Variants in JPH3 observed in about 807,000 individuals in gnomAD.
JPH3 encodes junctophilin-3.
Under a neutral mutation model 59.6 loss-of-function variants are expected in JPH3, and 11 were observed. The observed-to-expected ratio is 0.18, with a 90% CI of 0.12 to 0.31. JPH3 has a LOEUF of 0.31. Among genes scored for constraint, JPH3 ranks in the 10% least tolerant of loss-of-function variants. The probability of loss-of-function intolerance (pLI) is 1.00; values close to 1 mark genes in which losing one functional copy is unlikely to be tolerated. For missense variants in JPH3, 1,202 were observed against 1,105.7 expected, an observed-to-expected ratio of 1.09 and a Z score of -1.24; for synonymous variants, 673 against 483.6, an observed-to-expected ratio of 1.39 and a Z score of -5.14.
chr16:87,607,596 T>A (rs2030572439), intron 1 of JPH3, among the ~76,000 whole-genome samples: 1 of 152,270 alleles, frequency 6.6e-6, no homozygotes, highest in Non-Finnish European at 1.5e-5. Context: ...GGAGCTCAGA[T>A]GACAGAGGCA....
At chr16:87,621,462 G>T (rs1328412700) in intron 1 of JPH3, among the ~76,000 whole-genome samples, 3 of 152,326 alleles carry the variant, frequency 2.0e-5, no homozygotes, top group Non-Finnish European at 4.4e-5. Flanking sequence ...CTGGGCCTGG[G>T]GGCTTCTGAA....
intron 3 of JPH3, among the ~76,000 whole-genome samples, chr16:87,686,860 C>T (rs1046173480): frequency 3.0e-4 from 46 of 152,284 alleles, no homozygotes; most frequent in African/African-American, 8.4e-4. Context: ...GATGGAGAGA[C>T]GGGGCCGCTG....
At chr16:87,645,336 G>A (rs769382491) in intron 2 of JPH3, among the ~76,000 whole-genome samples, 2 of 152,222 alleles carry the variant, frequency 1.3e-5, no homozygotes, top group Non-Finnish European at 2.9e-5. Flanking sequence ...AAATATTGGT[G>A]AATAAAGAAG....
intron 1 of JPH3, among the ~76,000 whole-genome samples, chr16:87,615,931 C>T (rs996907966): frequency 2.6e-5 from 4 of 152,120 alleles, no homozygotes; most frequent in Admixed American, 6.5e-5. Context: ...GTCAATCAGG[C>T]GAGCTCTGAG....
intron 4 of JPH3, chr16:87,694,223 G>A (rs1236801929): frequency 6.6e-6 from 1 of 152,420 alleles, no homozygotes; most frequent in African/African-American, 2.4e-5. Flanking sequence ...GCTGGGAAGG[G>A]GCGAGGGTGT....
In JPH3 at chr16:87,602,612, G is replaced by A. The variant is rs1400360637; in HGVS notation, c.-535G>A. Among the ~76,000 whole-genome samples, 2 of 131,246 alleles carry A rather than the reference G, an allele frequency of 1.5e-5. No individual in the cohort carries two copies. The highest frequency in any genetic ancestry group is 3.3e-5 in the Non-Finnish European group (2 of 60,320). The allele number at this position is 131,246 out of a possible 152,430, so 86.1% of individuals were successfully genotyped here. A position where few individuals can be genotyped will look rare whatever the true frequency, so the allele number is the denominator to read the frequency against. On this transcript the variant is annotated 5_prime_UTR_variant, in exon 1 of 5. Transcript: ENST00000284262. Reference sequence around the variant, plus strand: ...CTGCTGCCGCCGCCGCCCCGCGCCCGGCCCGCGGCCCCCAATATGGTGCAG... The same window carrying A: ...CTGCTGCCGCCGCCGCCCCGCGCCCAGCCCGCGGCCCCCAATATGGTGCAG...
At chr16:87,656,814 A>C (rs2150855536) in intron 2 of JPH3, among the ~76,000 whole-genome samples, 1 of 152,264 alleles carries the variant, frequency 6.6e-6, no homozygotes, top group African/African-American at 2.4e-5. Flanking sequence ...TGGGTGGCAG[A>C]AATGCATTTT....
At chr16:87,612,791 G>A (rs1005027801) in intron 1 of JPH3, among the ~76,000 whole-genome samples, 59 of 152,016 alleles carry the variant, frequency 3.9e-4, no homozygotes, top group Non-Finnish European at 6.2e-4. Flanking sequence ...CGAGGCGGGC[G>A]GAGGCCGAGG....
Position 87,644,486 on chromosome 16 carries a change from C to T in JPH3, c.611C>T (p.Ser204Phe), listed in dbSNP as rs750758694. 5 of 1,612,918 alleles carry T rather than the reference C, an allele frequency of 3.1e-6. No individual in the cohort carries two copies. The South Asian group carries it at 5.5e-5, about 18-fold the overall frequency. ...TTCGTGCTCGTGGCCCACAGTGACT[C>T]CGAGATCCTCAAGAGCAAGAAGAAG... Reference protein sequence around the residue: ...GGFVLVAHSDSEILKSKKKGL... With the variant: ...GGFVLVAHSDFEILKSKKKGL... Residue 204 changes from serine to phenylalanine, a missense_variant, in exon 2 of 5, where the codon TCC becomes TTC. Transcript: ENST00000284262.
At chr16:87,618,053 A>C (rs1167831546) in intron 1 of JPH3, among the ~76,000 whole-genome samples, 2 of 151,558 alleles carry the variant, frequency 1.3e-5, no homozygotes, top group Non-Finnish European at 2.9e-5. Context: ...AGTCCCAGCC[A>C]CTCCGGAGGC....
chr16:87,629,822 G>A (rs2150834568), intron 1 of JPH3, among the ~76,000 whole-genome samples: 1 of 152,250 alleles, frequency 6.6e-6, no homozygotes, highest in African/African-American at 2.4e-5. Context: ...TGAAAACCAT[G>A]GCTCTGGTTA....
At chr16:87,650,749 T>A (rs2032302028) in intron 2 of JPH3, among the ~76,000 whole-genome samples, 1 of 152,198 alleles carries the variant, frequency 6.6e-6, no homozygotes, top group African/African-American at 2.4e-5. Context: ...TCAACTCTAA[T>A]GCTGTGAAGG....
chr16:87,691,316 A>C (rs565235675), intron 4 of JPH3, among the ~76,000 whole-genome samples: 138 of 152,294 alleles, frequency 9.1e-4, no homozygotes, highest in Admixed American at 1.7e-3. Flanking sequence ...TTGGGAATGA[A>C]GGGCTGTGGG....
intron 2 of JPH3, among the ~76,000 whole-genome samples, chr16:87,657,164 G>A (rs1306073288): frequency 6.6e-6 from 1 of 152,156 alleles, no homozygotes; most frequent in Non-Finnish European, 1.5e-5. Context: ...CCTGCCTGTG[G>A]GTGAGCCCTG....
rs144025575 is a variant in JPH3, at chr16:87,649,913, G to C, written c.1160+4878G>C. ...CAAAAGCTCAGCCAGGATTTGATGG[G>C]ATTGTTTCTGCTGGGACCCCCTCTC... On this transcript the variant is annotated intron_variant, in intron 2 of 4. Coordinates refer to ENST00000284262, the MANE Select transcript of JPH3 (RefSeq NM_020655.4). Among the ~76,000 whole-genome samples, 273 of 152,338 alleles carry C rather than the reference G, an allele frequency of 1.8e-3. 1 individual carries two copies. The highest frequency in any genetic ancestry group is 6.3e-3 in the African/African-American group (260 of 41,578).
chr16:87,670,593 C>A (rs866152129), intron 2 of JPH3, among the ~76,000 whole-genome samples: 39 of 152,382 alleles, frequency 2.6e-4, no homozygotes, highest in Non-Finnish European at 4.7e-4. Context: ...TTCCTCCAGG[C>A]ACTCTTCAGG....
chr16:87,695,360 C>A (rs1366806211), intron 4 of JPH3: 1 of 456,076 alleles, frequency 2.2e-6, no homozygotes, highest in South Asian at 1.5e-5. Context: ...GAGTAGCCAT[C>A]CCTGAGGAAT....
intron 1 of JPH3, among the ~76,000 whole-genome samples, chr16:87,629,105 G>T (rs992411513): frequency 6.6e-6 from 1 of 152,070 alleles, no homozygotes; most frequent in African/African-American, 2.4e-5. Flanking sequence ...TTGCTGTGTG[G>T]CCTTGGGCAA....
intron 2 of JPH3, 96 bp from the exon 3 acceptor site, chr16:87,684,046 C>A: frequency 1.2e-6 from 1 of 849,838 alleles, no homozygotes; most frequent in Non-Finnish European, 1.9e-6. Flanking sequence ...TTGTCTTAGC[C>A]CAGCCCGTTG....
Sources: gnomAD v4.1 joint callset for allele counts (sites outside exome capture counted in the v4.1 genomes callset) on GRCh38, gnomAD v4.1.1 for gene constraint, MANE v1.5 for transcripts, NCBI Gene and HGNC (gene_info 2026-07-23, HGNC 2026-07-21) for gene names.